Variants in CFAP52 observed in about 807,000 individuals in gnomAD.
CFAP52 encodes cilia and flagella associated protein 52.
In CFAP52, 57 loss-of-function variants were observed where a neutral mutation model predicts 70.5. The observed-to-expected ratio is 0.81, with a 90% CI of 0.65 to 1.01. CFAP52 has a LOEUF of 1.01. Ranked by LOEUF, CFAP52 falls within the 50% of genes least tolerant of loss-of-function variation. The pLI, the probability that CFAP52 is intolerant of heterozygous loss-of-function variation, is 0.00. For synonymous variants in CFAP52, 267 were observed against 292.5 expected (o/e 0.91, Z 0.89); for missense variants, 785 against 788.5 (o/e 1.00, Z 0.05).
chr17:9,632,244 G>GT (rs533261862), intron 9 of CFAP52, among the ~76,000 whole-genome samples: 4 of 146,434 alleles, frequency 2.7e-5, no homozygotes, highest in Admixed American at 6.8e-5. Flanking sequence ...TGCGAGGCAA[G>GT]TTTTTTTTTG....
intron 9 of CFAP52, among the ~76,000 whole-genome samples, chr17:9,630,990 AAAAG>A (rs1183878434): frequency 8.8e-4 from 86 of 97,580 alleles, no homozygotes; most frequent in African/African-American, 3.7e-3. Context: ...CATCTCAAAA[AAAAG>A]AAAGAAAGAA....
chr17:9,641,626 G>A (rs1374113040), intron 12 of CFAP52, 98 bp from the exon 13 acceptor site: 2 of 772,382 alleles, frequency 2.6e-6, no homozygotes, highest in Non-Finnish European at 2.2e-6. Context: ...GTGTATTTTT[G>A]CTCCCTTCTA....
intron 6 of CFAP52, among the ~76,000 whole-genome samples, chr17:9,602,111 T>C (rs190012629): frequency 2.0e-5 from 3 of 152,222 alleles, no homozygotes; most frequent in Non-Finnish European, 4.4e-5. Flanking sequence ...TTTCTAATTC[T>C]TTTTAGGATA....
At chr17:9,612,214 A>C in intron 7 of CFAP52, 95 bp from the exon 8 acceptor site, 1 of 1,459,768 alleles carries the variant, frequency 6.9e-7, no homozygotes, top group Non-Finnish European at 9.3e-7. Flanking sequence ...GTCTGAAATT[A>C]TATGCCTGAT....
rs1910328765 is a variant in CFAP52, at chr17:9,628,653, C to T, written c.1026-19C>T. ...AACTGCATCTTTTATGGTTGCATCT[C>T]TTGATGGCTTCCTTGCAGTGGCACT... is the stretch of plus-strand genomic sequence containing the variant. On this transcript the variant is annotated intron_variant, in intron 8 of 13. Transcript: ENST00000352665. The T allele has an allele frequency of 1.2e-6, 2 of 1,607,878 alleles. No homozygotes were observed. Among genetic ancestry groups the T allele is most frequent in the African/African-American group, 1.3e-5 (1 of 74,936 alleles).
At chr17:9,631,032 G>GAAAGAAAGAAAGAA (rs1473831778) in intron 9 of CFAP52, among the ~76,000 whole-genome samples, 2 of 46,838 alleles carry the variant, frequency 4.3e-5, no homozygotes, top group African/African-American at 9.6e-5. Context: ...GAAAGAAAGA[G>GAAAGAAAGAAAGAA]AGAGAGAGAG....
At chr17:9,622,470 G>A (rs1047827611) in intron 8 of CFAP52, among the ~76,000 whole-genome samples, 3 of 151,970 alleles carry the variant, frequency 2.0e-5, no homozygotes, top group Non-Finnish European at 4.4e-5. Flanking sequence ...GTGGGAGGAA[G>A]TTTGAGGCTA....
intron 4 of CFAP52, among the ~76,000 whole-genome samples, chr17:9,596,314 T>C (rs1041851130): frequency 6.6e-6 from 1 of 151,776 alleles, no homozygotes; most frequent in Non-Finnish European, 1.5e-5. Context: ...TTGTCCAGGC[T>C]GATCTTGAAC....
chr17:9,629,055 G>T (rs1910348443), intron 9 of CFAP52, among the ~76,000 whole-genome samples: 1 of 152,148 alleles, frequency 6.6e-6, no homozygotes, highest in African/African-American at 2.4e-5. Context: ...CATATAGCGT[G>T]AATCTTTCTC....
chr17:9,635,703 A>G, intron 11 of CFAP52, 147 bp downstream of exon 11: 1 of 1,048,142 alleles, frequency 9.5e-7, no homozygotes, highest in South Asian at 1.6e-5. Context: ...GAAGCCGTTC[A>G]TGACGGTCCA....
intron 4 of CFAP52, among the ~76,000 whole-genome samples, chr17:9,596,311 G>A (rs1909018241): frequency 6.6e-6 from 1 of 151,538 alleles, no homozygotes; most frequent in Non-Finnish European, 1.5e-5. Context: ...GTGTTGTCCA[G>A]GCTGATCTTG....
Position 9,628,823 on chromosome 17 carries a change from A to G in CFAP52, c.1174+3A>G. ...GGACGGCAAAAGCATCATTTCAGGT[A>G]ACGTCCACATGTCAAGATCTGGCTT... On this transcript the variant is annotated splice_donor_region_variant and intron_variant, in intron 9 of 13. Coordinates refer to ENST00000352665, the MANE Select transcript of CFAP52 (RefSeq NM_145054.5). 1 of 1,614,016 alleles carries G rather than the reference A, an allele frequency of 6.2e-7. No individual in the cohort carries two copies.
At chr17:9,645,039 C>A (rs1337222912), downstream of CFAP52, 1 of 148,350 alleles carries the variant, frequency 6.7e-6, no homozygotes, top group African/African-American at 2.6e-5. This position sits in a 1 kb window ranked among gnomAD's most constrained non-coding sequence, Gnocchi z 6.8. Flanking sequence ...GACTCTGCCT[C>A]CCCCCAAGGG....
chr17:9,642,144 G>A (rs1157280406), intron 13 of CFAP52, among the ~76,000 whole-genome samples: 1 of 152,198 alleles, frequency 6.6e-6, no homozygotes, highest in Non-Finnish European at 1.5e-5. Flanking sequence ...GGCCTGGGCT[G>A]TCCAGCATAC....
intron 9 of CFAP52, among the ~76,000 whole-genome samples, chr17:9,629,250 G>A (rs1156326894): frequency 6.6e-6 from 1 of 152,068 alleles, no homozygotes; most frequent in Non-Finnish European, 1.5e-5. Context: ...TATAGGCAGC[G>A]TGATATTCCA....
rs895789657 is a variant in CFAP52 at position 9,628,750 on chromosome 17, G to A, written c.1104G>A (p.Leu368=). The change falls in exon 9 of 14, where the codon CTG becomes CTA. Residue 368 remains leucine (L), a synonymous_variant. Transcript: ENST00000352665. The part of the protein sequence containing the change: ...VWHTSSNREL[L]RITVPNMTCH... ...ACACATCATCCAACAGGGAGCTGCTGCGGATCACCGTGCCCAACATGACCT... is the reference window on the plus strand; with the variant it reads ...ACACATCATCCAACAGGGAGCTGCTACGGATCACCGTGCCCAACATGACCT... 1.2e-6 allele frequency: 2 copies of A among 1,614,200 alleles called. No homozygotes were observed. The highest frequency in any genetic ancestry group is 1.7e-5 in the Admixed American group (1 of 60,022).
At chr17:9,596,864 C>T (rs1416020089) in intron 4 of CFAP52, among the ~76,000 whole-genome samples, 1 of 151,986 alleles carries the variant, frequency 6.6e-6, no homozygotes, top group Non-Finnish European at 1.5e-5. Context: ...TACAGGTGCC[C>T]ACCACCACGC....
At chr17:9,630,049 C>T (rs374357992) in intron 9 of CFAP52, among the ~76,000 whole-genome samples, 19 of 151,884 alleles carry the variant, frequency 1.3e-4, no homozygotes, top group African/African-American at 4.6e-4. Context: ...CTCACTGCCT[C>T]CCCTTTTTCT....
chr17:9,588,295 GAGAA>G (rs1170922630), intron 3 of CFAP52, among the ~76,000 whole-genome samples: 1 of 152,160 alleles, frequency 6.6e-6, no homozygotes, highest in Admixed American at 6.6e-5. Flanking sequence ...CTGGCGCCCA[GAGAA>G]AGAGAGAGAG....
Sources: allele counts gnomAD v4.1 joint callset (sites outside exome capture counted in the v4.1 genomes callset), GRCh38; gene constraint gnomAD v4.1.1; non-coding constraint Gnocchi (gnomAD v3.1); transcripts MANE v1.5; gene names NCBI Gene and HGNC (gene_info 2026-07-23, HGNC 2026-07-21).